SMYD3: variants seen among roughly 807,000 people sequenced by gnomAD.
The protein encoded by SMYD3 is histone-lysine N-methyltransferase SMYD3.
A neutral mutation model predicts 57.7 loss-of-function variants in SMYD3; 36 were observed. That is an observed-to-expected ratio of 0.62 (90% CI 0.48 to 0.82). The LOEUF (loss-of-function observed/expected upper bound fraction) is 0.82. Ranked by LOEUF, SMYD3 falls within the 40% of genes least tolerant of loss-of-function variation. The probability of loss-of-function intolerance (pLI) is 0.00; values close to 1 mark genes in which losing one functional copy is unlikely to be tolerated. For missense variants in SMYD3, 515 were observed against 538.8 expected, an observed-to-expected ratio of 0.96 and a Z score of 0.44; for synonymous variants, 211 against 195.0, an observed-to-expected ratio of 1.08 and a Z score of -0.68.
chr1:246,052,580 T>C (rs1478138584), intron 5 of SMYD3: 1 of 152,216 alleles, frequency 6.6e-6, no homozygotes, highest in Admixed American at 6.5e-5. Context: ...AATTTATGTG[T>C]TTATTTTTGG....
intron 5 of SMYD3, among the ~76,000 whole-genome samples, chr1:245,987,581 T>C (rs1029256920): frequency 2.0e-5 from 3 of 152,378 alleles, no homozygotes; most frequent in Non-Finnish European, 4.4e-5. Flanking sequence ...TCACGTTTTC[T>C]TAACTTATTC....
chr1:246,014,483 G>A lies in SMYD3; in HGVS notation c.532-84546C>T, dbSNP rs576421723. ...CTATGAACTTTGAACGAAGAGTCACGGGCTTATCCCTGACTCTAGGACTTA... is the reference window on the plus strand; with the variant it reads ...CTATGAACTTTGAACGAAGAGTCACAGGCTTATCCCTGACTCTAGGACTTA... On this transcript the variant is annotated intron_variant, in intron 5 of 11. Transcript: ENST00000490107. Among the ~76,000 whole-genome samples the A allele has an allele frequency of 1.1e-4, 17 of 152,214 alleles. No individual in the cohort carries two copies. In the South Asian group the frequency reaches 3.5e-3, roughly 32 times the overall value.
At chr1:246,494,131 A>G (rs919190984) in intron 1 of SMYD3, among the ~76,000 whole-genome samples, 1 of 152,160 alleles carries the variant, frequency 6.6e-6, no homozygotes, top group Non-Finnish European at 1.5e-5. Flanking sequence ...GCAGCCCAAA[A>G]ATCTCTATGG....
At chr1:246,004,312 T>A (rs938196311) in intron 5 of SMYD3, among the ~76,000 whole-genome samples, 4 of 152,312 alleles carry the variant, frequency 2.6e-5, no homozygotes, top group African/African-American at 7.2e-5. Flanking sequence ...CTTCCAAGAT[T>A]CTGATACCGC....
At chr1:245,982,288 C>G (rs2058613879) in intron 5 of SMYD3, among the ~76,000 whole-genome samples, 1 of 152,154 alleles carries the variant, frequency 6.6e-6, no homozygotes, top group African/African-American at 2.4e-5. Flanking sequence ...TGAGCCACTG[C>G]AGCTGGCTAA....
chr1:246,103,953 C>G lies in SMYD3; in HGVS notation c.532-174016G>C, dbSNP rs187017382. ...ACTCATCCTTGAAGAAAACCTTGTT[C>G]AGATGGGCCATTCTTCTATAAAACC... On this transcript the variant is annotated intron_variant, in intron 5 of 11. Coordinates refer to ENST00000490107, the MANE Select transcript of SMYD3 (RefSeq NM_001167740.2). Among the ~76,000 whole-genome samples, 504 of 152,316 alleles carry G rather than the reference C, an allele frequency of 3.3e-3. 1 individual carries two copies. The highest frequency in any genetic ancestry group is 4.9e-3 in the Non-Finnish European group (332 of 68,016).
intron 10 of SMYD3, among the ~76,000 whole-genome samples, chr1:245,855,390 T>C (rs2051190273): frequency 1.3e-5 from 2 of 152,208 alleles, no homozygotes; most frequent in South Asian, 2.1e-4. Flanking sequence ...TGGGTTAGTC[T>C]GGAGACATCA....
At chr1:246,009,472 T>TA (rs2059239044) in intron 5 of SMYD3, among the ~76,000 whole-genome samples, 1 of 152,242 alleles carries the variant, frequency 6.6e-6, no homozygotes, top group Non-Finnish European at 1.5e-5. Flanking sequence ...TGAATATATA[T>TA]TTTTAACTGG....
intron 5 of SMYD3, among the ~76,000 whole-genome samples, chr1:246,058,058 C>G (rs59080925): frequency 0.17 from 25,885 of 151,996 alleles, 2,723 homozygotes; most frequent in East Asian, 0.4. Context: ...GCTATGGAAA[C>G]GGTAAAAAGA....
chr1:246,264,754 T>G (rs978651972), intron 5 of SMYD3, among the ~76,000 whole-genome samples: 1 of 152,202 alleles, frequency 6.6e-6, no homozygotes, highest in Non-Finnish European at 1.5e-5. Flanking sequence ...CTCTATTACC[T>G]GTTAGTGGCT....
intron 8 of SMYD3, among the ~76,000 whole-genome samples, chr1:245,885,322 C>T (rs1490171604): frequency 6.6e-6 from 1 of 152,192 alleles, no homozygotes; most frequent in Non-Finnish European, 1.5e-5. Flanking sequence ...CCGGAAGGAA[C>T]CAATTCCGGA....
intron 2 of SMYD3, among the ~76,000 whole-genome samples, chr1:246,346,504 G>C (rs528528229): frequency 6.5e-4 from 99 of 152,250 alleles, no homozygotes; most frequent in African/African-American, 2.4e-3. Context: ...TTGACTCACA[G>C]TTCCACAGGG....
chr1:246,482,795 C>G (rs188391434), intron 1 of SMYD3, among the ~76,000 whole-genome samples: 2 of 152,290 alleles, frequency 1.3e-5, no homozygotes, highest in African/African-American at 2.4e-5. Context: ...ACAGGGAAAT[C>G]AAGGCCATAT....
chr1:246,136,263 T>C (rs779947902), intron 5 of SMYD3, among the ~76,000 whole-genome samples: 1 of 152,174 alleles, frequency 6.6e-6, no homozygotes, highest in Non-Finnish European at 1.5e-5. Flanking sequence ...ACATAAAAAT[T>C]AGCTATCCAG....
chr1:246,395,108 T>A (rs1400160218), intron 1 of SMYD3, among the ~76,000 whole-genome samples: 2 of 152,216 alleles, frequency 1.3e-5, no homozygotes, highest in African/African-American at 4.8e-5. Context: ...GAGAGGCAAT[T>A]CGGTCACTTG....
At position 245,779,165 on chromosome 1, in the gene SMYD3, G is replaced by GA. The variant is rs369697643; in HGVS notation, c.1077-15017dup. ...ACAGAGTGAGACACTGTCCCAAGGG[G>GA]AAAAAAAAAAAAAAAAGAAAAAGAA... On this transcript the variant is annotated intron_variant, in intron 10 of 11. Coordinates refer to ENST00000490107, the MANE Select transcript of SMYD3 (RefSeq NM_001167740.2). 3.8e-3 allele frequency among the ~76,000 whole-genome samples: 480 copies of GA among 126,532 alleles called. 1 individual carries two copies. Among genetic ancestry groups the GA allele is most frequent in the Non-Finnish European group, 7.0e-3 (379 of 54,282 alleles). 83.0% of individuals were successfully genotyped at this position (126,532 alleles called of 152,430 possible).
At chr1:246,065,639 A>C (rs1034889362) in intron 5 of SMYD3, among the ~76,000 whole-genome samples, 1 of 152,234 alleles carries the variant, frequency 6.6e-6, no homozygotes, top group Non-Finnish European at 1.5e-5. Flanking sequence ...ATAACCAGCC[A>C]GAAAATTCAA....
At chr1:245,879,521 C>T (rs545681025) in intron 8 of SMYD3, among the ~76,000 whole-genome samples, 3 of 152,304 alleles carry the variant, frequency 2.0e-5, no homozygotes, top group South Asian at 2.1e-4. Flanking sequence ...GAGACAGAGT[C>T]GCTGCTTCAA....
chr1:245,993,673 T>C (rs951906578), intron 5 of SMYD3, among the ~76,000 whole-genome samples: 8 of 151,296 alleles, frequency 5.3e-5, no homozygotes, highest in African/African-American at 1.7e-4. Context: ...CAGATATAGA[T>C]TCCATTTACA....
Sources: gnomAD v4.1 joint callset for allele counts (sites outside exome capture counted in the v4.1 genomes callset) on GRCh38, gnomAD v4.1.1 for gene constraint, MANE v1.5 for transcripts, NCBI Gene and HGNC (gene_info 2026-07-23, HGNC 2026-07-21) for gene names.